Variants in PLEKHA6 observed in about 807,000 individuals in gnomAD.
PLEKHA6 encodes the protein pleckstrin homology domain containing A6.
Under a neutral mutation model 116.7 loss-of-function variants are expected in PLEKHA6, and 60 were observed. That is an observed-to-expected ratio of 0.51 (90% confidence interval 0.42 to 0.64). PLEKHA6 has a LOEUF of 0.64. Ranked by LOEUF, PLEKHA6 falls within the 30% of genes least tolerant of loss-of-function variation. The pLI is 0.00. For synonymous variants in PLEKHA6, 489 were observed against 556.1 expected (o/e 0.88, Z 1.70); for missense variants, 1,338 against 1,422.7 (o/e 0.94, Z 0.96).
intron 1 of PLEKHA6, among the ~76,000 whole-genome samples, chr1:204,325,018 C>T (rs374673186): frequency 2.0e-5 from 3 of 152,120 alleles, no homozygotes; most frequent in Non-Finnish European, 2.9e-5. Flanking sequence ...CCCAGGTTCA[C>T]GCCATTCTCC....
intron 1 of PLEKHA6, chr1:204,309,657 A>C (rs949884781): frequency 2.5e-6 from 2 of 800,598 alleles, no homozygotes; most frequent in Non-Finnish European, 1.5e-6. Context: ...TGTAGCCCCA[A>C]AATTAAGTAA....
At chr1:204,355,235 T>G (rs1356019616) in intron 1 of PLEKHA6, among the ~76,000 whole-genome samples, 1 of 152,248 alleles carries the variant, frequency 6.6e-6, no homozygotes, top group East Asian at 1.9e-4. Context: ...CATTTATCAC[T>G]TATTCTGCTC....
intron 11 of PLEKHA6, 74 bp from the exon 12 acceptor site, chr1:204,249,044 C>G: frequency 6.5e-7 from 1 of 1,547,614 alleles, no homozygotes; most frequent in East Asian, 2.3e-5. Flanking sequence ...GAGGCCTGAG[C>G]CCTTAGAGGT....
chr1:204,358,291 C>T (rs1049897894), intron 1 of PLEKHA6, among the ~76,000 whole-genome samples: 56 of 152,328 alleles, frequency 3.7e-4, no homozygotes, highest in African/African-American at 1.3e-3. Context: ...GCCTTCAGCC[C>T]CTCCTGCCAC....
chr1:204,323,818 T>C (rs905897844), intron 1 of PLEKHA6, among the ~76,000 whole-genome samples: 5 of 152,200 alleles, frequency 3.3e-5, no homozygotes, highest in African/African-American at 1.2e-4. Flanking sequence ...AACAGCCTTT[T>C]GAGATGGTTG....
At chr1:204,370,030 G>C (rs1673743797) in intron 2 of PLEKHA6, among the ~76,000 whole-genome samples, 1 of 152,176 alleles carries the variant, frequency 6.6e-6, no homozygotes, top group African/African-American at 2.4e-5. Context: ...CTAAGTCCAG[G>C]AAGAATTAAA....
intron 1 of PLEKHA6, chr1:204,307,824 CTG>C: frequency 1.0e-6 from 1 of 980,626 alleles, no homozygotes; most frequent in Non-Finnish European, 1.2e-6. Context: ...GTGCTCTCCA[CTG>C]TCTCTCCCAG....
intron 15 of PLEKHA6, among the ~76,000 whole-genome samples, chr1:204,244,065 C>T (rs1663257623): frequency 1.3e-5 from 2 of 152,088 alleles, no homozygotes; most frequent in Admixed American, 6.5e-5. Flanking sequence ...TCGTGATCCA[C>T]CCACCTCAGC....
rs866851039 is a variant in PLEKHA6 at position 204,277,059 on chromosome 1, C to T, written c.-94-2250G>A. 45 of 152,838 alleles carry T rather than the reference C, an allele frequency of 2.9e-4. No homozygotes were observed. The highest frequency in any genetic ancestry group is 1.0e-3 in the African/African-American group (42 of 41,554). 9.5% of individuals were successfully genotyped at this position (152,838 alleles called of 1,614,324 possible). A position where few individuals can be genotyped will look rare whatever the true frequency, so the allele number is the denominator to read the frequency against. ...GGCAGCTCCGTCCCCAGTTTGGCAG[C>T]CTCAGAGGACCCGCCGGCCACCCTG... On this transcript the variant is annotated intron_variant, in intron 1 of 22. Coordinates refer to ENST00000272203, the MANE Select transcript of PLEKHA6 (RefSeq NM_014935.5). The surrounding 1 kb of genome is among the most constrained non-coding windows in gnomAD (Gnocchi z 4.1).
chr1:204,328,197 C>G (rs1355022397), intron 1 of PLEKHA6, among the ~76,000 whole-genome samples: 1 of 151,286 alleles, frequency 6.6e-6, no homozygotes, highest in Non-Finnish European at 1.5e-5. Context: ...ATTCTCCTAC[C>G]TCAGCCTCCT....
chr1:204,310,101 G>GTCAC (rs1671603495), intron 1 of PLEKHA6, among the ~76,000 whole-genome samples: 1 of 152,006 alleles, frequency 6.6e-6, no homozygotes, highest in African/African-American at 2.4e-5. Flanking sequence ...TAGTGGGCTG[G>GTCAC]ATGTGGCCCA....
intron 1 of PLEKHA6, among the ~76,000 whole-genome samples, chr1:204,303,157 C>T (rs1670982947): frequency 6.6e-6 from 1 of 152,216 alleles, no homozygotes; most frequent in Admixed American, 6.5e-5. Flanking sequence ...CCATCACTAT[C>T]TAGAAACTGT....
chr1:204,314,155 C>A lies in PLEKHA6; in HGVS notation c.-94-39346G>T, dbSNP rs377226585. Among the ~76,000 whole-genome samples, 265 of 152,258 alleles carry A rather than the reference C, an allele frequency of 1.7e-3. 7 individuals are homozygous for A. The South Asian group carries it at 0.052, about 30-fold the overall frequency. On this transcript the variant is annotated intron_variant, in intron 1 of 22. Transcript: ENST00000272203. ...GAGCCATATCCTGCCATCCTAGCAT[C>A]TTGAGATCAGGGCACAGGAAGCAAG... is the stretch of plus-strand genomic sequence containing the variant.
chr1:204,258,230 A>T (rs1665623722), intron 8 of PLEKHA6, among the ~76,000 whole-genome samples: 1 of 152,196 alleles, frequency 6.6e-6, no homozygotes, highest in African/African-American at 2.4e-5. Flanking sequence ...AAGGAGGGCA[A>T]TGTAGGAGGG....
intron 9 of PLEKHA6, among the ~76,000 whole-genome samples, chr1:204,253,093 A>AC: frequency 6.6e-6 from 1 of 152,356 alleles, no homozygotes; most frequent in East Asian, 1.9e-4. Flanking sequence ...AGTGCCTCAC[A>AC]CATGGTAAGG....
chr1:204,251,918 T>C (rs1223543599), intron 9 of PLEKHA6, among the ~76,000 whole-genome samples: 1 of 146,550 alleles, frequency 6.8e-6, no homozygotes, highest in Non-Finnish European at 1.5e-5. Context: ...CTGGCCACGG[T>C]TGTCATCTCC....
chr1:204,284,008 G>A (rs1021060086), intron 1 of PLEKHA6, among the ~76,000 whole-genome samples: 2 of 152,212 alleles, frequency 1.3e-5, no homozygotes, highest in Admixed American at 6.5e-5. Flanking sequence ...GAGGGGGCAC[G>A]TGCTGTTCCA....
chr1:204,317,049 A>G (rs552325633), intron 1 of PLEKHA6: 1 of 161,576 alleles, frequency 6.2e-6, no homozygotes, highest in East Asian at 1.9e-4. Context: ...TCCAGCCTGG[A>G]CCAAATCACT....
At chr1:204,371,805 C>T (rs572971993) in intron 1 of PLEKHA6, among the ~76,000 whole-genome samples, 6 of 152,310 alleles carry the variant, frequency 3.9e-5, no homozygotes, top group South Asian at 2.1e-4. Flanking sequence ...TGAATAATAT[C>T]GAATCCCTAA....
Sources: gnomAD v4.1 joint callset for allele counts (sites outside exome capture counted in the v4.1 genomes callset) on GRCh38, gnomAD v4.1.1 for gene constraint, Gnocchi (gnomAD v3.1) non-coding constraint, MANE v1.5 for transcripts, NCBI Gene and HGNC (gene_info 2026-07-23, HGNC 2026-07-21) for gene names.